ADRM1: variants seen among roughly 807,000 people sequenced by gnomAD.
ADRM1 encodes the protein ADRM1 26S proteasome ubiquitin receptor, also known as proteasomal ubiquitin receptor ADRM1.
In ADRM1, 2 loss-of-function variants were observed where a neutral mutation model predicts 40.1. The ratio of observed to expected loss-of-function variants is 0.05; its 90% CI spans 0.02 to 0.16. The LOEUF (loss-of-function observed/expected upper bound fraction) is 0.16. Ranked by LOEUF, ADRM1 falls within the 10% of genes least tolerant of loss-of-function variation. ADRM1 has a pLI of 1.00. For missense variants in ADRM1, 467 were observed against 552.5 expected, an observed-to-expected ratio of 0.85 and a Z score of 1.55; for synonymous variants, 287 against 240.4, an observed-to-expected ratio of 1.19 and a Z score of -1.79.
chr20:62,305,466 TGGC>T (rs1984774257), intron 3 of ADRM1: 2 of 152,302 alleles, frequency 1.3e-5, no homozygotes, highest in Non-Finnish European at 2.9e-5. Flanking sequence ...CAAACACAGA[TGGC>T]GGCCACAATT....
At chr20:62,307,566 C>T in intron 6 of ADRM1, 30 bp from the exon 7 acceptor site, 1 of 1,604,070 alleles carries the variant, frequency 6.2e-7, no homozygotes, top group Non-Finnish European at 8.5e-7. Flanking sequence ...TGGGGCGTGT[C>T]CGCTCCAGCG....
chr20:62,306,785 A>G (rs765993801), intron 5 of ADRM1, 51 bp downstream of exon 5: 18 of 1,487,044 alleles, frequency 1.2e-5, no homozygotes, highest in Non-Finnish European at 1.2e-5. Context: ...GAATGCTTTG[A>G]GGCCCGGTCT....
intron 4 of ADRM1, 54 bp from the exon 5 acceptor site, chr20:62,306,594 G>GGGCCCGCGTGGATCTGGCTGGGGCA: frequency 6.6e-7 from 1 of 1,523,924 alleles, no homozygotes; most frequent in East Asian, 2.4e-5. Context: ...CAGTGCGGTG[G>GGGCCCGCGTGGATCTGGCTGGGGCA]GGCCCGCGTG....
chr20:62,307,494 A>G lies in ADRM1; in HGVS notation c.623+42A>G, dbSNP rs373399324. ...CTGCCACGCAGGTGCCACGGTGTTA[A>G]GGGAGGGGCAGTGGGGAATCCTGGC... On this transcript the variant is annotated intron_variant, in intron 6 of 9. Transcript: ENST00000253003. 2.0e-4 allele frequency: 322 copies of G among 1,602,562 alleles called. 2 individuals are homozygous for G. In the East Asian group the frequency reaches 5.6e-3, roughly 28 times the overall value.
chr20:62,306,338 C>G lies in ADRM1; in HGVS notation c.454+18C>G, dbSNP rs762015442. On this transcript the variant is annotated intron_variant, in intron 4 of 9. Transcript: ENST00000253003. ...GCTAGGCGGTAACTGTCACATGTGT[C>G]ACGTGAGCTCAGGGTTTCCTGGGAG... 1 of 1,612,586 alleles carries G rather than the reference C, an allele frequency of 6.2e-7. No homozygotes were observed. Among genetic ancestry groups the G allele is most frequent in the Non-Finnish European group, 8.5e-7 (1 of 1,179,860 alleles).
intron 1 of ADRM1, 47 bp from the exon 2 acceptor site, chr20:62,303,521 C>T (rs1303277459): frequency 2.0e-6 from 3 of 1,529,100 alleles, no homozygotes; most frequent in Non-Finnish European, 2.6e-6. Context: ...TGCCGGACCG[C>T]AGGCGACAGT....
At chr20:62,308,514 G>T in intron 9 of ADRM1, 44 bp downstream of exon 9, 1 of 1,568,284 alleles carries the variant, frequency 6.4e-7, no homozygotes, top group Non-Finnish European at 8.7e-7. Context: ...CCAGGGGCAG[G>T]GTCCATTCCT....
Position 62,303,578 on chromosome 20 carries a change from T to A in ADRM1, c.10T>A (p.Ser4Thr). The change falls in exon 2 of 10, where the codon TCA (serine) becomes ACA (threonine). Residue 4 changes from serine (S) to threonine (T), a missense_variant. Transcript: ENST00000253003. Reference sequence around the variant, plus strand: ...TCTCCGCGCTTTCAGGATGACGACCTCAGGCGCGCTCTTTCCAAGCCTGGT... The same window carrying A: ...TCTCCGCGCTTTCAGGATGACGACCACAGGCGCGCTCTTTCCAAGCCTGGT... MTT[S>T]GALFPSLVPG... 1.3e-6 allele frequency: 2 copies of A among 1,581,176 alleles called. No homozygotes were observed. Among genetic ancestry groups the A allele is most frequent in the Non-Finnish European group, 1.7e-6 (2 of 1,163,476 alleles).
chr20:62,307,492 TA>T, intron 6 of ADRM1, 40 bp downstream of exon 6: 1 of 1,603,406 alleles, frequency 6.2e-7, no homozygotes, highest in Middle Eastern at 1.7e-4. Flanking sequence ...GCCACGGTGT[TA>T]AGGGAGGGGC....
At chr20:62,308,523 C>T (rs1472804976) in intron 9 of ADRM1, 53 bp downstream of exon 9, 27 of 1,565,466 alleles carry the variant, frequency 1.7e-5, no homozygotes, top group East Asian at 2.3e-5. Flanking sequence ...GGGTCCATTC[C>T]TGTCCCCCTG....
At position 62,307,390 on chromosome 20, in the gene ADRM1, T is replaced by A; in HGVS notation, c.561T>A (p.Thr187=). ...TCGCAGGTGGGCTGGGGGCCCTGACTGGACCTGGCCTGGCCAGCTTACTGG... is the reference window on the plus strand; with the variant it reads ...TCGCAGGTGGGCTGGGGGCCCTGACAGGACCTGGCCTGGCCAGCTTACTGG... ...LGGLGGLGAL[T]GPGLASLLGS... is the part of the protein sequence containing the mutation. The change falls in exon 6 of 10, where the codon ACT becomes ACA. Residue 187 remains threonine, a synonymous_variant. Transcript: ENST00000253003. 3.1e-6 allele frequency: 5 copies of A among 1,602,178 alleles called. No individual in the cohort carries two copies. The highest frequency in any genetic ancestry group is 4.2e-6 in the Non-Finnish European group (5 of 1,176,866).
chr20:62,306,820 CTCT>C, intron 5 of ADRM1, 86 bp downstream of exon 5: 4 of 1,291,926 alleles, frequency 3.1e-6, no homozygotes, highest in Non-Finnish European at 4.3e-6. Context: ...CTTCTGCTGG[CTCT>C]GTCTGCGTAG....
chr20:62,306,514 G>A lies in ADRM1; in HGVS notation c.455-134G>A, dbSNP rs993557972. 48 of 1,275,016 alleles carry A rather than the reference G, an allele frequency of 3.8e-5. 2 individuals are homozygous for A. The highest frequency in any genetic ancestry group is 1.8e-4 in the African/African-American group (12 of 67,632). The allele number at this position is 1,275,016 out of a possible 1,614,324, so 79.0% of individuals were successfully genotyped here. On this transcript the variant is annotated intron_variant, in intron 4 of 9. Transcript: ENST00000253003. ...TAGGACGGGTCTGCATCCCACCGTC[G>A]CCTCACTTCAAGTGGTGCCCCCTGT...
In ADRM1 at chr20:62,308,748, T is replaced by C; in HGVS notation, c.1211T>C (p.Met404Thr). The C allele has an allele frequency of 3.1e-6, 5 of 1,612,912 alleles. No individual in the cohort carries two copies. The highest frequency in any genetic ancestry group is 4.2e-6 in the Non-Finnish European group (5 of 1,179,924). ...TKDKKDEEED[M>T]SLD ...GACAAGAAGGACGAAGAGGAGGACATGAGCCTGGACTGAGCCACGCGCCGT... is the reference window on the plus strand; with the variant it reads ...GACAAGAAGGACGAAGAGGAGGACACGAGCCTGGACTGAGCCACGCGCCGT... The change falls in exon 10 of 10, where the codon ATG (methionine) becomes ACG (threonine). Residue 404 changes from methionine to threonine, a missense_variant. By Grantham distance (81) the Met-to-Thr change is moderately conservative. Transcript: ENST00000253003.
At chr20:62,308,562 A>G in intron 9 of ADRM1, 92 bp downstream of exon 9, 2 of 1,565,384 alleles carry the variant, frequency 1.3e-6, no homozygotes, top group Non-Finnish European at 1.7e-6. Context: ...TGAGGGGGTA[A>G]AGGTCACAGC....
chr20:62,306,695 C>T lies in ADRM1; in HGVS notation c.502C>T (p.Leu168Phe). 6 of 1,610,010 alleles carry T rather than the reference C, an allele frequency of 3.7e-6. No homozygotes were observed. The highest frequency in any genetic ancestry group is 5.1e-6 in the Non-Finnish European group (6 of 1,178,640). ...SLLGNMSHSQ[L>F]MQLIGPAGLG... ...GCTGGGAAACATGAGCCACAGCCAG[C>T]TCATGCAGCTCATCGGACCAGCCGG... The change falls in exon 5 of 10, where the codon CTC (leucine) becomes TTC (phenylalanine). Residue 168 changes from leucine to phenylalanine, a missense_variant. Around this residue, in one of 3 missense-constraint regions of ADRM1, gnomAD observed 418 missense variants for 474.6 expected, o/e 0.88. Coordinates refer to ENST00000253003, the MANE Select transcript of ADRM1 (RefSeq NM_007002.4).
intron 5 of ADRM1, 73 bp downstream of exon 5, chr20:62,306,807 A>C: frequency 7.3e-7 from 1 of 1,374,484 alleles, no homozygotes; most frequent in Non-Finnish European, 9.9e-7. Context: ...TGTTTCCTTT[A>C]AACTTCTGCT....
Position 62,308,172 on chromosome 20 carries a change from C to T in ADRM1, c.1008C>T (p.Phe336=). 1.2e-6 allele frequency: 2 copies of T among 1,602,550 alleles called. No individual in the cohort carries two copies. The highest frequency in any genetic ancestry group is 1.7e-6 in the Non-Finnish European group (2 of 1,178,038). The part of the protein sequence containing the change: ...EIQNTLTSPQ[F]QQALGMFSAA... ...AGAATACCCTGACCTCGCCCCAGTT[C>T]CAGCAGGTAGAGGCCGGGCCCAGGG... The change falls in exon 8 of 10, where the codon TTC becomes TTT. Residue 336 remains phenylalanine, a synonymous_variant. Transcript: ENST00000253003.
chr20:62,306,095 G>A, intron 3 of ADRM1, 102 bp from the exon 4 acceptor site: 2 of 1,498,974 alleles, frequency 1.3e-6, no homozygotes, highest in South Asian at 1.3e-5. Context: ...ACGCGCCTCT[G>A]CGTCTCAGGT....
Sources: allele counts gnomAD v4.1 joint callset, GRCh38; gene constraint gnomAD v4.1.1; regional missense constraint gnomAD v4.1.1; transcripts MANE v1.5; gene names NCBI Gene and HGNC (gene_info 2026-07-23, HGNC 2026-07-21).